DENND4C: variants seen among roughly 807,000 people sequenced by gnomAD.
DENND4C encodes DENN domain-containing protein 4C.
A neutral mutation model predicts 203.0 loss-of-function variants in DENND4C; 108 were observed. The observed-to-expected ratio is 0.53, with a 90% CI of 0.46 to 0.62. The LOEUF (loss-of-function observed/expected upper bound fraction) is 0.62, where lower values mean the gene tolerates loss of function less well. DENND4C is among the 20% of genes least tolerant of loss of function. The pLI is 0.00. For missense variants in DENND4C, 2,481 were observed against 2,301.2 expected (o/e 1.08, Z -1.60); for synonymous variants, 871 against 792.4 (o/e 1.10, Z -1.67).
At chr9:19,241,499 T>C (rs1823706439) in intron 1 of DENND4C, among the ~76,000 whole-genome samples, 1 of 151,044 alleles carries the variant, frequency 6.6e-6, no homozygotes, top group Non-Finnish European at 1.5e-5. Context: ...CATCTGGCCT[T>C]TTTTTTTCGT....
intron 7 of DENND4C, 140 bp from the exon 8 acceptor site, chr9:19,299,089 A>C (rs1203465474): frequency 1.5e-5 from 9 of 581,684 alleles, no homozygotes; most frequent in African/African-American, 1.4e-4. Flanking sequence ...TGTTTCCAAA[A>C]GTGTGTTTGC....
intron 7 of DENND4C, 63 bp from the exon 8 acceptor site, chr9:19,299,166 G>GA: frequency 7.9e-7 from 1 of 1,267,112 alleles, no homozygotes; most frequent in Non-Finnish European, 1.1e-6. Context: ...AAGTAGTTTT[G>GA]AAACTTATCT....
intron 8 of DENND4C, among the ~76,000 whole-genome samples, chr9:19,299,692 T>C (rs1838161205): frequency 6.6e-6 from 1 of 152,222 alleles, no homozygotes. Context: ...AGCCTCTTAA[T>C]TGGTACCTTT....
At chr9:19,368,268 TTTTTTTTTC>T (rs1828099279) in intron 30 of DENND4C, among the ~76,000 whole-genome samples, 1 of 141,386 alleles carries the variant, frequency 7.1e-6, no homozygotes, top group African/African-American at 3.1e-5. Context: ...TTTTTTTTTT[TTTTTTTTTC>T]GGTTTAACAC....
intron 30 of DENND4C, among the ~76,000 whole-genome samples, chr9:19,365,150 G>A (rs748581883): frequency 2.6e-5 from 4 of 152,068 alleles, no homozygotes; most frequent in Non-Finnish European, 5.9e-5. Flanking sequence ...CATAAAAATC[G>A]TGAATAAAAT....
At position 19,358,087 on chromosome 9, in the gene DENND4C, A is replaced by G; in HGVS notation, c.5087A>G (p.Asn1696Ser). The G allele has an allele frequency of 1.2e-6, 2 of 1,613,992 alleles. No individual in the cohort carries two copies. The highest frequency in any genetic ancestry group is 1.7e-6 in the Non-Finnish European group (2 of 1,179,866). Residue 1696 changes from asparagine (N) to serine (S), a missense_variant, in exon 28 of 33, where the codon AAT (asparagine) becomes AGT (serine). Transcript: ENST00000434457. The surrounding 1 kb of genome is among the most constrained non-coding windows in gnomAD (Gnocchi z 4.8). ...CACAGTGTTGGAGGCCCATTGCAGA[A>G]TATTGACTTTACCCAGCGACCGTTT... ...RSHSVGGPLQ[N>S]IDFTQRPFHG...
rs185711172 is a variant in DENND4C, at chr9:19,244,727, G to A, written c.-18+13894G>A. Among the ~76,000 whole-genome samples the A allele has an allele frequency of 5.1e-4, 63 of 124,230 alleles. 1 individual carries two copies. In the East Asian group the frequency reaches 0.013, roughly 25 times the overall value. 81.5% of individuals were successfully genotyped at this position (124,230 alleles called of 152,430 possible). A position where few individuals can be genotyped will look rare whatever the true frequency, so the allele number is the denominator to read the frequency against. ...TGCACTCCAGCCTGGGTGACAGAGC[G>A]AGACCCCACCTCAAAAAAAAAAAAA... is the stretch of plus-strand genomic sequence containing the variant. On this transcript the variant is annotated intron_variant, in intron 1 of 32. Coordinates refer to ENST00000434457, the MANE Select transcript of DENND4C (RefSeq NM_001330640.2).
intron 16 of DENND4C, among the ~76,000 whole-genome samples, chr9:19,330,498 C>T (rs1818861949): frequency 6.6e-6 from 1 of 151,862 alleles, no homozygotes; most frequent in South Asian, 2.1e-4. Context: ...CACCAACACG[C>T]CCAACTAATT....
chr9:19,267,635 C>A (rs1830778039), intron 1 of DENND4C, among the ~76,000 whole-genome samples: 3 of 151,838 alleles, frequency 2.0e-5, no homozygotes, highest in African/African-American at 7.3e-5. Flanking sequence ...CTCCTGAGCT[C>A]AGGGGATCTT....
In DENND4C at chr9:19,346,891, T is replaced by C. The variant is rs982985579; in HGVS notation, c.4122T>C (p.Ser1374=). The C allele has an allele frequency of 1.2e-6, 2 of 1,614,114 alleles. No individual in the cohort carries two copies. The highest frequency in any genetic ancestry group is 1.7e-5 in the Admixed American group (1 of 60,008). Residue 1374 remains serine, a synonymous_variant, in exon 23 of 33, where the codon TCT becomes TCC. Coordinates refer to ENST00000434457, the MANE Select transcript of DENND4C (RefSeq NM_001330640.2). The part of the protein sequence containing the change: ...PSRTHKERST[S]LSALVRSSPH... ...GAACTCATAAAGAACGTTCAACTTC[T>C]TTGTCAGCACTGGTGCGTTCTTCGC...
intron 5 of DENND4C, among the ~76,000 whole-genome samples, chr9:19,291,933 A>G (rs1274955672): frequency 1.3e-5 from 2 of 152,200 alleles, no homozygotes; most frequent in African/African-American, 4.8e-5. Context: ...GAGTTTTCCA[A>G]GGTTGATGAA....
intron 2 of DENND4C, among the ~76,000 whole-genome samples, chr9:19,277,644 T>TTG (rs61179570): frequency 0.066 from 9,849 of 149,984 alleles, 494 homozygotes; most frequent in African/African-American, 0.14. Context: ...TTTGGATGCT[T>TTG]TGTGTGTGTG....
intron 9 of DENND4C, among the ~76,000 whole-genome samples, chr9:19,303,715 G>A (rs1443766371): frequency 6.6e-6 from 1 of 152,166 alleles, no homozygotes; most frequent in East Asian, 1.9e-4. Context: ...GGGGTAGTAA[G>A]CGTTATAGGC....
rs1842367515 is a variant in DENND4C, at chr9:19,319,240, T to C, written c.1807+2401T>C. On this transcript the variant is annotated intron_variant, in intron 12 of 32. Transcript: ENST00000434457. ...ATATATATATACACATTTATATATG[T>C]ATATATATAAACATATGTATAAACA... Among the ~76,000 whole-genome samples the C allele has an allele frequency of 3.4e-5, 5 of 147,004 alleles. No homozygotes were observed. In the South Asian group the frequency reaches 1.0e-3, roughly 31 times the overall value.
intron 12 of DENND4C, among the ~76,000 whole-genome samples, chr9:19,319,520 T>C (rs1031132872): frequency 1.3e-5 from 2 of 149,990 alleles, no homozygotes; most frequent in African/African-American, 2.4e-5. Flanking sequence ...AAAGATTAGA[T>C]GGTACAATTT....
chr9:19,307,157 G>C (rs12003038), intron 10 of DENND4C, among the ~76,000 whole-genome samples: 1 of 151,920 alleles, frequency 6.6e-6, no homozygotes, highest in African/African-American at 2.4e-5. Flanking sequence ...CAGTACTTTC[G>C]GAGGCTGAGG....
intron 2 of DENND4C, among the ~76,000 whole-genome samples, chr9:19,285,571 T>G (rs1835026234): frequency 7.2e-6 from 1 of 138,134 alleles, no homozygotes; most frequent in Non-Finnish European, 1.6e-5. Flanking sequence ...ATGTGGTCTT[T>G]GTGACTTTTT....
At chr9:19,309,200 A>T (rs1840278264) in intron 10 of DENND4C, among the ~76,000 whole-genome samples, 1 of 152,104 alleles carries the variant, frequency 6.6e-6, no homozygotes, top group African/African-American at 2.4e-5. Context: ...AGACGGGTGG[A>T]TCTCCTGGGG....
intron 29 of DENND4C, among the ~76,000 whole-genome samples, chr9:19,361,170 ATTATTC>A (rs1168246298): frequency 2.7e-4 from 41 of 152,216 alleles, no homozygotes; most frequent in Admixed American, 7.8e-4. Flanking sequence ...GCTGGTAGCT[ATTATTC>A]TTAACTGTTC....
Sources: gnomAD v4.1 joint callset for allele counts (sites outside exome capture counted in the v4.1 genomes callset) on GRCh38, gnomAD v4.1.1 for gene constraint, Gnocchi (gnomAD v3.1) non-coding constraint, MANE v1.5 for transcripts, NCBI Gene and HGNC (gene_info 2026-07-23, HGNC 2026-07-21) for gene names.